The following ANGPT1 variants were observed in gnomAD, a reference collection of about 807,000 sequenced individuals.
ANGPT1 encodes angiopoietin 1.
In ANGPT1, 17 loss-of-function variants were observed where a neutral mutation model predicts 62.2. The ratio of observed to expected loss-of-function variants is 0.27; its 90% CI spans 0.19 to 0.41. The LOEUF is 0.41. Ranked by LOEUF, ANGPT1 falls within the 10% of genes least tolerant of loss-of-function variation. ANGPT1 has a pLI of 1.00. For synonymous variants in ANGPT1, 199 were observed against 198.9 expected (o/e 1.00, Z 0.00); for missense variants, 478 against 594.9 (o/e 0.80, Z 2.04).
intron 1 of ANGPT1, among the ~76,000 whole-genome samples, chr8:107,371,965 G>A (rs1242487608): frequency 2.0e-5 from 3 of 151,996 alleles, no homozygotes; most frequent in African/African-American, 7.3e-5. Context: ...CTTATAAGCT[G>A]AGGTGATGAT....
chr8:107,326,682 C>T (rs1255282656), intron 3 of ANGPT1, among the ~76,000 whole-genome samples: 1 of 152,120 alleles, frequency 6.6e-6, no homozygotes, highest in East Asian at 1.9e-4. Flanking sequence ...TACTTATTAT[C>T]TTATTCTTGT....
At chr8:107,311,709 G>A (rs2130016121) in intron 4 of ANGPT1, among the ~76,000 whole-genome samples, 1 of 152,304 alleles carries the variant, frequency 6.6e-6, no homozygotes, top group East Asian at 1.9e-4. Flanking sequence ...CTTCCAATGT[G>A]AAACGAATCT....
intron 5 of ANGPT1, among the ~76,000 whole-genome samples, chr8:107,297,456 C>T (rs1814442398): frequency 6.6e-6 from 1 of 151,732 alleles, no homozygotes. Context: ...TGACACTACT[C>T]CCATCTCTTA....
intron 1 of ANGPT1, among the ~76,000 whole-genome samples, chr8:107,370,400 G>GA (rs1554586989): frequency 0.042 from 2,240 of 53,636 alleles, 677 homozygotes; most frequent in Non-Finnish European, 0.081. Flanking sequence ...AAGAAAGAAA[G>GA]AAAGAAAGAG....
At chr8:107,476,563 C>T (rs201828632) in intron 1 of ANGPT1, among the ~76,000 whole-genome samples, 30 of 151,942 alleles carry the variant, frequency 2.0e-4, no homozygotes, top group South Asian at 4.2e-4. Context: ...GTTGTGCACA[C>T]GTACCCTAGA....
intron 1 of ANGPT1, among the ~76,000 whole-genome samples, chr8:107,417,602 AC>A (rs772214948): frequency 3.9e-5 from 6 of 152,048 alleles, no homozygotes; most frequent in Admixed American, 2.0e-4. Context: ...TTTAAATGTT[AC>A]CTTTCCCCCA....
At chr8:107,307,693 T>A (rs1416928900) in intron 4 of ANGPT1, among the ~76,000 whole-genome samples, 1 of 152,172 alleles carries the variant, frequency 6.6e-6, no homozygotes, top group East Asian at 1.9e-4. Flanking sequence ...TTCACTAAGT[T>A]TCCATTCTTG....
chr8:107,386,232 G>A (rs1816729336), intron 1 of ANGPT1, among the ~76,000 whole-genome samples: 1 of 151,918 alleles, frequency 6.6e-6, no homozygotes, highest in South Asian at 2.1e-4. Flanking sequence ...TAGACAAGAG[G>A]GCCCATTTGA....
rs200804548 is a variant in ANGPT1, at chr8:107,341,580, CTATT to C, written c.454-5313_454-5310del. 3.6e-3 allele frequency among the ~76,000 whole-genome samples: 530 copies of C among 147,770 alleles called. 3 individuals carry two copies. Among genetic ancestry groups the C allele is most frequent in the East Asian group, 0.011 (55 of 5,130 alleles). On this transcript the variant is annotated intron_variant, in intron 2 of 8. Transcript: ENST00000517746. ...TTATATAACTATTACATAATATTCTCTATTTATTTATATATAAATATATTTTATT... is the reference window on the plus strand; with the variant it reads ...TTATATAACTATTACATAATATTCTCTATTTATATATAAATATATTTTATT...
At chr8:107,317,945 T>G (rs1034732557) in intron 4 of ANGPT1, among the ~76,000 whole-genome samples, 3 of 152,178 alleles carry the variant, frequency 2.0e-5, no homozygotes, top group Admixed American at 1.3e-4. Context: ...AGTGGTTTTT[T>G]AATAGTCACA....
chr8:107,319,527 A>G (rs1161117917), intron 4 of ANGPT1, among the ~76,000 whole-genome samples: 1 of 151,822 alleles, frequency 6.6e-6, no homozygotes, highest in African/African-American at 2.4e-5. Context: ...ATATAAATTT[A>G]TAAGTAAAAT....
chr8:107,381,282 T>C (rs1816631845), intron 1 of ANGPT1, among the ~76,000 whole-genome samples: 1 of 152,176 alleles, frequency 6.6e-6, no homozygotes, highest in African/African-American at 2.4e-5. Context: ...GGGAAAAACT[T>C]GAATCCAAAT....
intron 1 of ANGPT1, among the ~76,000 whole-genome samples, chr8:107,469,877 T>C (rs1049192030): frequency 9.2e-5 from 14 of 152,048 alleles, no homozygotes; most frequent in African/African-American, 3.1e-4. Context: ...ACAATATGGA[T>C]AACACCATCA....
chr8:107,361,458 T>A (rs559064089), intron 1 of ANGPT1, among the ~76,000 whole-genome samples: 323 of 148,396 alleles, frequency 2.2e-3, no homozygotes, highest in African/African-American at 7.5e-3. Context: ...TAGATCTATC[T>A]ATAAATATAG....
intron 7 of ANGPT1, among the ~76,000 whole-genome samples, chr8:107,270,771 C>A (rs576385833): frequency 6.6e-6 from 1 of 151,618 alleles, no homozygotes; most frequent in Non-Finnish European, 1.5e-5. Flanking sequence ...AATACACTTA[C>A]GAAAAAGTGA....
At position 107,258,683 on chromosome 8, in the gene ANGPT1, A is replaced by G. The variant is rs144214673; in HGVS notation, c.1336+5538T>C. ...TTTGCATTTTAGGAAGCTCAAATTT[A>G]TTTGACAGTCAGGAACCTAACACTC... On this transcript the variant is annotated intron_variant, in intron 8 of 8. Coordinates refer to ENST00000517746, the MANE Select transcript of ANGPT1 (RefSeq NM_001146.5). Among the ~76,000 whole-genome samples, 1,040 of 152,278 alleles carry G rather than the reference A, an allele frequency of 6.8e-3. 9 individuals carry two copies. Among genetic ancestry groups the G allele is most frequent in the African/African-American group, 0.023 (956 of 41,562 alleles).
intron 3 of ANGPT1, among the ~76,000 whole-genome samples, chr8:107,323,220 A>G (rs1428498728): frequency 6.6e-6 from 1 of 152,234 alleles, no homozygotes; most frequent in Non-Finnish European, 1.5e-5. Context: ...CTGACTGGAA[A>G]TAAAAAGCAT....
chr8:107,466,525 T>C (rs980955241), intron 1 of ANGPT1, among the ~76,000 whole-genome samples: 1 of 152,072 alleles, frequency 6.6e-6, no homozygotes, highest in Admixed American at 6.6e-5. Context: ...TCTGTGTAGG[T>C]TAAAGTGAGA....
At chr8:107,419,703 A>T (rs543621339) in intron 1 of ANGPT1, among the ~76,000 whole-genome samples, 11 of 152,208 alleles carry the variant, frequency 7.2e-5, no homozygotes, top group Admixed American at 3.3e-4. Flanking sequence ...CCCTACAGAG[A>T]CAAGGAGAGA....
Sources: gnomAD v4.1 joint callset for allele counts (sites outside exome capture counted in the v4.1 genomes callset) on GRCh38, gnomAD v4.1.1 for gene constraint, MANE v1.5 for transcripts, NCBI Gene and HGNC (gene_info 2026-07-23, HGNC 2026-07-21) for gene names.